GAPVD1: variants seen among roughly 807,000 people sequenced by gnomAD.
GAPVD1 encodes the protein GTPase activating protein and VPS9 domains 1, also known as GTPase-activating protein and VPS9 domain-containing protein 1.
In GAPVD1, 35 loss-of-function variants were observed where a neutral mutation model predicts 155.5. That is an observed-to-expected ratio of 0.23 (90% CI 0.17 to 0.30). The LOEUF is 0.30. Ranked by LOEUF, GAPVD1 falls within the 10% of genes least tolerant of loss-of-function variation. GAPVD1 has a pLI of 1.00. For synonymous variants in GAPVD1, 636 were observed against 619.7 expected, an observed-to-expected ratio of 1.03 and a Z score of -0.39; for missense variants, 1,429 against 1,775.7, an observed-to-expected ratio of 0.80 and a Z score of 3.51.
intron 23 of GAPVD1, among the ~76,000 whole-genome samples, chr9:125,351,752 T>C (rs934346265): frequency 3.0e-4 from 46 of 151,230 alleles, no homozygotes; most frequent in Middle Eastern, 3.4e-3. Flanking sequence ...TTTTTTTTTT[T>C]CCCCCGAGAT....
At chr9:125,266,190 G>A (rs387591) in intron 1 of GAPVD1, among the ~76,000 whole-genome samples, 1,717 of 150,766 alleles carry the variant, frequency 0.011, 27 homozygotes, top group African/African-American at 0.04. Context: ...GCAAATGCGC[G>A]ATCTCGGCTC....
At position 125,342,447 on chromosome 9, in the gene GAPVD1, C is replaced by T. The variant is rs1274992261; in HGVS notation, c.3046+148C>T. On this transcript the variant is annotated intron_variant, in intron 19 of 27. Transcript: ENST00000297933. ...TATGTTCTTCATAGCTCTGTGGTTT[C>T]CAGTTGGTGGCCACAGTAAACCTGT... is the stretch of plus-strand genomic sequence containing the variant. The T allele has an allele frequency of 1.0e-5, 6 of 596,974 alleles. No homozygotes were observed. In the East Asian group the frequency reaches 1.7e-4, roughly 17 times the overall value. 37.0% of individuals were successfully genotyped at this position (596,974 alleles called of 1,614,324 possible). A position where few individuals can be genotyped will look rare whatever the true frequency, so the allele number is the denominator to read the frequency against.
chr9:125,346,748 T>G (rs1222298194), intron 19 of GAPVD1, 71 bp from the exon 20 acceptor site: 1 of 1,167,324 alleles, frequency 8.6e-7, no homozygotes, highest in Non-Finnish European at 1.3e-6. Context: ...ATTATGCTAC[T>G]GGTGTCATAC....
chr9:125,359,707 C>T, intron 26 of GAPVD1: 2 of 495,668 alleles, frequency 4.0e-6, no homozygotes, highest in South Asian at 5.7e-5. Flanking sequence ...TTGTGAGGAG[C>T]CCTTCCTTGA....
chr9:125,302,684 G>T lies in GAPVD1; in HGVS notation c.887G>T (p.Arg296Met), dbSNP rs1338852903. Residue 296 changes from arginine to methionine, a missense_variant, in exon 5 of 28, where the codon AGG (arginine) becomes ATG (methionine). Arg to Met is a moderately conservative substitution (Grantham distance 91). Transcript: ENST00000297933. ...TACAAAACCCTCTCCTGTGTAGATA[G>T]GCTGGAAGTTGGGGAGGTCAGGGCA... ...QMYKTLSCVD[R>M]LEVGEVRAMC... is the part of the protein sequence containing the mutation. The T allele has an allele frequency of 6.2e-7, 1 of 1,608,758 alleles. No homozygotes were observed. Among genetic ancestry groups the T allele is most frequent in the Admixed American group, 1.7e-5 (1 of 59,534 alleles).
chr9:125,360,501 C>A (rs771203419), intron 26 of GAPVD1, 27 bp from the exon 27 acceptor site: 1 of 1,588,512 alleles, frequency 6.3e-7, no homozygotes, highest in Non-Finnish European at 8.6e-7. Flanking sequence ...GATTCAGAAT[C>A]TGTATATTGT....
At chr9:125,279,209 T>TAA (rs200050917) in intron 2 of GAPVD1, among the ~76,000 whole-genome samples, 22 of 130,438 alleles carry the variant, frequency 1.7e-4, no homozygotes, top group African/African-American at 5.7e-4. Flanking sequence ...GACTCCATCT[T>TAA]AAAAAAAAAA....
chr9:125,326,681 C>A, intron 12 of GAPVD1, 92 bp downstream of exon 12: 1 of 861,026 alleles, frequency 1.2e-6, no homozygotes, highest in Non-Finnish European at 1.9e-6. Flanking sequence ...CCCTGACAAA[C>A]ATTGTGTGTG....
chr9:125,355,254 T>C (rs1849902626), intron 24 of GAPVD1, among the ~76,000 whole-genome samples: 1 of 152,154 alleles, frequency 6.6e-6, no homozygotes, highest in Non-Finnish European at 1.5e-5. Flanking sequence ...TATAGGCACG[T>C]GCCACCACGC....
intron 17 of GAPVD1, 87 bp downstream of exon 17, chr9:125,337,678 A>G: frequency 1.6e-6 from 2 of 1,222,602 alleles, no homozygotes; most frequent in Non-Finnish European, 2.3e-6. Context: ...ATATAAATCT[A>G]GGATTACAGA....
intron 9 of GAPVD1, among the ~76,000 whole-genome samples, chr9:125,313,504 C>T (rs143125835): frequency 1.2e-4 from 19 of 152,076 alleles, no homozygotes; most frequent in African/African-American, 3.4e-4. Context: ...GGGGTTCCAC[C>T]GTGTTAGCCA....
intron 14 of GAPVD1, 45 bp downstream of exon 14, chr9:125,332,105 C>T (rs748178306): frequency 2.0e-6 from 3 of 1,534,470 alleles, no homozygotes; most frequent in African/African-American, 2.7e-5. Context: ...AAGGTGTTCA[C>T]CCCCTACCCC....
intron 13 of GAPVD1, 101 bp downstream of exon 13, chr9:125,330,319 T>C: frequency 4.4e-6 from 2 of 450,054 alleles, no homozygotes; most frequent in Non-Finnish European, 7.0e-6. Flanking sequence ...CAAATACACT[T>C]TTTTTTTTTT....
chr9:125,301,012 A>G (rs562947998), intron 4 of GAPVD1, among the ~76,000 whole-genome samples: 42 of 152,006 alleles, frequency 2.8e-4, no homozygotes, highest in African/African-American at 9.6e-4. Context: ...ATTTTTTAGT[A>G]CTTGAGTATT....
At chr9:125,358,693 C>T (rs1850478394) in intron 25 of GAPVD1, among the ~76,000 whole-genome samples, 1 of 152,208 alleles carries the variant, frequency 6.6e-6, no homozygotes, top group Non-Finnish European at 1.5e-5. Context: ...TGGCCCACCC[C>T]AGACTTCTGT....
chr9:125,336,684 T>C, intron 15 of GAPVD1: 2 of 224,754 alleles, frequency 8.9e-6, no homozygotes, highest in South Asian at 6.6e-5. Flanking sequence ...AAGGCGAGGC[T>C]CAGGGAAGCT....
At chr9:125,335,322 A>G in intron 15 of GAPVD1, 1 of 549,328 alleles carries the variant, frequency 1.8e-6, no homozygotes, top group Non-Finnish European at 3.3e-6. Context: ...GGAAAATAAT[A>G]GTTATTTATT....
intron 19 of GAPVD1, 102 bp downstream of exon 19, chr9:125,342,401 G>A: frequency 4.0e-6 from 3 of 741,520 alleles, no homozygotes; most frequent in Non-Finnish European, 7.3e-6. Context: ...AGAAGAGTGT[G>A]TCTGTGTGTA....
At position 125,337,005 on chromosome 9, in the gene GAPVD1, C is replaced by T. The variant is rs941538921; in HGVS notation, c.2429-13C>T. On this transcript the variant is annotated splice_polypyrimidine_tract_variant and intron_variant, in intron 15 of 27. Transcript: ENST00000297933. The stretch of plus-strand genomic sequence containing the variant: ...CGTCCTGGCTTGGTCTCACAGTTTC[C>T]CTCCTGTTTTAGGTGCCCACCAGCT... 2 of 1,562,510 alleles carry T rather than the reference C, an allele frequency of 1.3e-6. No individual in the cohort carries two copies. The highest frequency in any genetic ancestry group is 1.1e-5 in the South Asian group (1 of 90,002).
Sources: allele counts gnomAD v4.1 joint callset (sites outside exome capture counted in the v4.1 genomes callset), GRCh38; gene constraint gnomAD v4.1.1; transcripts MANE v1.5; gene names NCBI Gene and HGNC (gene_info 2026-07-23, HGNC 2026-07-21).